Variants in PLCL2 observed in about 807,000 individuals in gnomAD.
PLCL2 encodes inactive phospholipase C-like protein 2.
Under a neutral mutation model 79.6 loss-of-function variants are expected in PLCL2, and 4 were observed. The observed-to-expected ratio is 0.05, with a 90% confidence interval of 0.02 to 0.11. The LOEUF (loss-of-function observed/expected upper bound fraction) is 0.11, where lower values mean the gene tolerates loss of function less well. PLCL2 is among the 10% of genes least tolerant of loss of function. PLCL2 has a pLI of 1.00. For synonymous variants in PLCL2, 484 were observed against 457.7 expected, an observed-to-expected ratio of 1.06 and a Z score of -0.73; for missense variants, 895 against 1,291.0, an observed-to-expected ratio of 0.69 and a Z score of 4.70.
intron 1 of PLCL2, among the ~76,000 whole-genome samples, chr3:16,914,727 T>C (rs993275617): frequency 1.3e-5 from 2 of 152,094 alleles, no homozygotes; most frequent in Non-Finnish European, 2.9e-5. Context: ...ATTTCTTTAT[T>C]TATTTTATGT....
intron 4 of PLCL2, among the ~76,000 whole-genome samples, chr3:17,051,588 A>G (rs1015232090): frequency 1.3e-5 from 2 of 152,182 alleles, no homozygotes; most frequent in Non-Finnish European, 2.9e-5. Flanking sequence ...AAGAGAAGCA[A>G]ACAGCAGGAT....
rs2063823860 is a variant in PLCL2 at position 16,968,035 on chromosome 3, C to T, written c.328-41639C>T. ...TGAATAGGGAGTCCTTTCCCTATTG[C>T]TTGTTTTTGTCTACTTTGTTGGAGA... On this transcript the variant is annotated intron_variant, in intron 1 of 5. Transcript: ENST00000615277. Among the ~76,000 whole-genome samples the T allele has an allele frequency of 2.6e-5, 4 of 151,946 alleles. No homozygotes were observed. The South Asian group carries it at 8.3e-4, about 32-fold the overall frequency.
chr3:16,958,414 T>C (rs2063725980), intron 1 of PLCL2, among the ~76,000 whole-genome samples: 1 of 152,192 alleles, frequency 6.6e-6, no homozygotes. Context: ...ATGCATTTGA[T>C]GTACAGTAAA....
intron 1 of PLCL2, among the ~76,000 whole-genome samples, chr3:16,948,495 A>T (rs768745863): frequency 4.5e-4 from 69 of 152,230 alleles, no homozygotes; most frequent in Non-Finnish European, 1.3e-4. Flanking sequence ...ATTGAATTGT[A>T]CACTTTAAAT....
chr3:16,983,930 A>T (rs1323394719), intron 1 of PLCL2, among the ~76,000 whole-genome samples: 2 of 152,234 alleles, frequency 1.3e-5, no homozygotes, highest in African/African-American at 4.8e-5. Context: ...TTTGTACGTC[A>T]AAGTGGGTCA....
chr3:16,903,611 C>T (rs1696680093), intron 1 of PLCL2, among the ~76,000 whole-genome samples: 1 of 152,126 alleles, frequency 6.6e-6, no homozygotes, highest in Admixed American at 6.5e-5. Flanking sequence ...AGTGTGGAAT[C>T]GGTAGGAGTT....
In PLCL2 at chr3:17,090,359, T is replaced by G; in HGVS notation, c.*447T>G. The G allele has an allele frequency of 1.0e-5, 6 of 575,068 alleles. No individual in the cohort carries two copies. Among genetic ancestry groups the G allele is most frequent in the Non-Finnish European group, 1.3e-5 (6 of 455,142 alleles). The allele number at this position is 575,068 out of a possible 1,614,324, so 35.6% of individuals were successfully genotyped here. A position where few individuals can be genotyped will look rare whatever the true frequency, so the allele number is the denominator to read the frequency against. On this transcript the variant is annotated 3_prime_UTR_variant, in exon 6 of 6. Coordinates refer to ENST00000615277, the MANE Select transcript of PLCL2 (RefSeq NM_001144382.2). ...GTTCTAGATGATTTTGGTGGCATGC[T>G]TGCTGAGCCATAATTACTAAAGAGA...
intron 1 of PLCL2, among the ~76,000 whole-genome samples, chr3:16,919,282 G>A (rs1697069298): frequency 6.6e-6 from 1 of 152,066 alleles, no homozygotes; most frequent in African/African-American, 2.4e-5. Flanking sequence ...TAAGGTATTA[G>A]GAATTTGTCC....
intron 4 of PLCL2, among the ~76,000 whole-genome samples, chr3:17,046,862 G>A (rs891551946): frequency 6.6e-6 from 1 of 152,136 alleles, no homozygotes; most frequent in Non-Finnish European, 1.5e-5. Context: ...CTGGGTTAAA[G>A]CTAGTTATAA....
chr3:17,004,435 G>A (rs2064241259), intron 1 of PLCL2, among the ~76,000 whole-genome samples: 1 of 152,086 alleles, frequency 6.6e-6, no homozygotes, highest in Non-Finnish European at 1.5e-5. Context: ...GCATCCACAG[G>A]CCAAGGAGTT....
chr3:17,080,471 G>A (rs1048008285), intron 5 of PLCL2, among the ~76,000 whole-genome samples: 1 of 151,884 alleles, frequency 6.6e-6, no homozygotes, highest in African/African-American at 2.4e-5. Flanking sequence ...TTTTTTTCCA[G>A]ACGGAGTCTT....
chr3:17,049,788 A>G (rs2064819856), intron 4 of PLCL2, among the ~76,000 whole-genome samples: 1 of 152,182 alleles, frequency 6.6e-6, no homozygotes, highest in African/African-American at 2.4e-5. Context: ...TACAATCGCT[A>G]TCAAAATTCC....
At chr3:16,943,133 A>G (rs2063567357) in intron 1 of PLCL2, among the ~76,000 whole-genome samples, 1 of 152,180 alleles carries the variant, frequency 6.6e-6, no homozygotes, top group South Asian at 2.1e-4. Flanking sequence ...TTTATTTTAT[A>G]CTTCTGACAC....
At position 17,042,892 on chromosome 3, in the gene PLCL2, G is replaced by A. The variant is rs1380774490; in HGVS notation, c.3037G>A (p.Ala1013Thr). The A allele has an allele frequency of 6.2e-7, 1 of 1,612,032 alleles. No homozygotes were observed. The highest frequency in any genetic ancestry group is 8.5e-7 in the Non-Finnish European group (1 of 1,178,252). The change falls in exon 4 of 6, where the codon GCG becomes ACG. Residue 1013 changes from alanine to threonine, a missense_variant. Physicochemically the swap from Ala to Thr is moderately conservative, Grantham distance 58. Transcript: ENST00000615277. ...TYDMMIQSLK[A>T]LIENADAVYE... is the part of the protein sequence containing the mutation. Reference sequence around the variant, plus strand: ...TTTGCAGATGATTCAGTCCCTCAAGGCGTTGATTGAAAATGCAGATGCTGT... The same window carrying A: ...TTTGCAGATGATTCAGTCCCTCAAGACGTTGATTGAAAATGCAGATGCTGT...
intron 4 of PLCL2, among the ~76,000 whole-genome samples, chr3:17,053,582 C>T (rs146013614): frequency 6.6e-6 from 1 of 152,324 alleles, no homozygotes; most frequent in East Asian, 1.9e-4. Flanking sequence ...AAAGTCTTAA[C>T]TCATTCCAGC....
At chr3:17,057,503 GTC>G (rs1369322635) in intron 4 of PLCL2, among the ~76,000 whole-genome samples, 1 of 152,170 alleles carries the variant, frequency 6.6e-6, no homozygotes, top group East Asian at 1.9e-4. Context: ...GGTTGTGAAG[GTC>G]TGTTTCAGGT....
intron 1 of PLCL2, among the ~76,000 whole-genome samples, chr3:16,936,261 C>G (rs1283107583): frequency 6.6e-6 from 1 of 152,134 alleles, no homozygotes; most frequent in African/African-American, 2.4e-5. Context: ...TTTTTAAATT[C>G]TGGAGTTGCC....
chr3:17,009,719 A>G lies in PLCL2; in HGVS notation c.373A>G (p.Ser125Gly), dbSNP rs761824231. Residue 125 changes from serine (S) to glycine (G), a missense_variant, in exon 2 of 6, where the codon AGC (serine) becomes GGC (glycine). By Grantham distance (56) the Ser-to-Gly change is moderately conservative. This residue lies in a region of PLCL2 where 129 missense variants were observed against 208.8 expected (regional missense o/e 0.62). Transcript: ENST00000615277. The surrounding 1 kb of genome is among the most constrained non-coding windows in gnomAD (Gnocchi z 4.0). ...KRERKKTVSF[S>G]SMPTEKKISS... ...GGAACGGAAAAAGACAGTCTCATTC[A>G]GCAGCATGCCAACAGAGAAGAAGAT... 6.2e-6 allele frequency: 10 copies of G among 1,609,844 alleles called. No homozygotes were observed. Among genetic ancestry groups the G allele is most frequent in the Middle Eastern group, 1.6e-4 (1 of 6,072 alleles).
chr3:16,966,332 G>A lies in PLCL2; in HGVS notation c.328-43342G>A, dbSNP rs551639567. 4.5e-4 allele frequency among the ~76,000 whole-genome samples: 69 copies of A among 151,946 alleles called. 4 individuals carry two copies. In the East Asian group the frequency reaches 9.1e-3, roughly 20 times the overall value. On this transcript the variant is annotated intron_variant, in intron 1 of 5. Transcript: ENST00000615277. ...TGCTGGATTATGTTTATTGATTTGC[G>A]TATGTTGAACCAGCCTTGCATCCCA...
Sources: allele counts gnomAD v4.1 joint callset (sites outside exome capture counted in the v4.1 genomes callset), GRCh38; gene constraint gnomAD v4.1.1; regional missense constraint gnomAD v4.1.1; non-coding constraint Gnocchi (gnomAD v3.1); transcripts MANE v1.5; gene names NCBI Gene and HGNC (gene_info 2026-07-23, HGNC 2026-07-21).